Variants in PLAA observed in about 807,000 individuals in gnomAD.
PLAA encodes phospholipase A2 activating protein.
Under a neutral mutation model 84.1 loss-of-function variants are expected in PLAA, and 48 were observed. The ratio of observed to expected loss-of-function variants is 0.57; its 90% CI spans 0.45 to 0.73. PLAA has a LOEUF of 0.73. PLAA is among the 30% of genes least tolerant of loss of function. PLAA has a pLI of 0.00. For missense variants in PLAA, 903 were observed against 954.7 expected, an observed-to-expected ratio of 0.95 and a Z score of 0.71; for synonymous variants, 392 against 336.6, an observed-to-expected ratio of 1.16 and a Z score of -1.80.
chr9:26,926,282 T>G, intron 5 of PLAA, 111 bp downstream of exon 5: 1 of 700,212 alleles, frequency 1.4e-6, no homozygotes, highest in South Asian at 2.1e-5. Context: ...ACTAAATTAT[T>G]CAAGTCATAG....
At chr9:26,923,415 G>A in intron 6 of PLAA, 68 bp from the exon 7 acceptor site, 1 of 1,092,664 alleles carries the variant, frequency 9.2e-7, no homozygotes, top group Non-Finnish European at 1.3e-6. Context: ...ACACCTGAAT[G>A]ATCCATAGTA....
At chr9:26,930,361 C>A (rs1825141855) in intron 2 of PLAA, among the ~76,000 whole-genome samples, 1 of 152,128 alleles carries the variant, frequency 6.6e-6, no homozygotes, top group Non-Finnish European at 1.5e-5. Flanking sequence ...GCCTTGGCCT[C>A]CCAAGTGCTG....
intron 9 of PLAA, 149 bp from the exon 10 acceptor site, chr9:26,917,314 A>C (rs948616401): frequency 4.8e-6 from 3 of 621,658 alleles, no homozygotes; most frequent in Admixed American, 6.1e-5. Flanking sequence ...CTATAGTCAG[A>C]AGTCTTATAA....
rs1825587035 is a variant in PLAA at position 26,942,916 on chromosome 9, A to T, written c.149+3981T>A. Among the ~76,000 whole-genome samples the T allele has an allele frequency of 2.6e-5, 4 of 151,248 alleles. No individual in the cohort carries two copies. In the South Asian group the frequency reaches 8.3e-4, roughly 32 times the overall value. On this transcript the variant is annotated intron_variant, in intron 1 of 13. Transcript: ENST00000397292. The stretch of plus-strand genomic sequence containing the variant: ...AAAAAAAAGGCACAGAAAAAGATGC[A>T]TACGTGATGGGGTGAGTGGAAGGCA...
Position 26,935,131 on chromosome 9 carries a change from G to A in PLAA, c.225C>T (p.Pro75=). 1 of 1,609,524 alleles carries A rather than the reference G, an allele frequency of 6.2e-7. No homozygotes were observed. Among genetic ancestry groups the A allele is most frequent in the Non-Finnish European group, 8.5e-7 (1 of 1,178,300 alleles). The change falls in exon 2 of 14, where the codon CCC becomes CCT. Residue 75 remains proline, a synonymous_variant. Coordinates refer to ENST00000397292, the MANE Select transcript of PLAA (RefSeq NM_001031689.3). ...GGCCATGAGGGTAGATGTCACTTGA[G>A]GGTATGATGCATACACAAGATACAA... ...SNFVSCVCII[P]SSDIYPHGLI...
chr9:26,945,869 T>G (rs1009951090), intron 1 of PLAA, among the ~76,000 whole-genome samples: 17 of 152,194 alleles, frequency 1.1e-4, no homozygotes, highest in Non-Finnish European at 2.1e-4. Flanking sequence ...AACAAACAAC[T>G]CCTCAGAGAG....
At chr9:26,942,777 G>A (rs1247886821) in intron 1 of PLAA, among the ~76,000 whole-genome samples, 1 of 150,678 alleles carries the variant, frequency 6.6e-6, no homozygotes, top group Non-Finnish European at 1.5e-5. Flanking sequence ...AGCTACTCGG[G>A]AGGCTAAGGC....
intron 1 of PLAA, among the ~76,000 whole-genome samples, chr9:26,942,860 C>A (rs1159696373): frequency 8.5e-6 from 1 of 117,574 alleles, no homozygotes; most frequent in Non-Finnish European, 1.6e-5. Flanking sequence ...GCCTGGGCGA[C>A]AGAGCGAGAC....
intron 4 of PLAA, among the ~76,000 whole-genome samples, chr9:26,927,048 T>C (rs574951936): frequency 1.3e-5 from 2 of 152,082 alleles, no homozygotes; most frequent in East Asian, 1.9e-4. Flanking sequence ...TACATATATA[T>C]AGACTATATA....
chr9:26,906,151 T>G, intron 13 of PLAA, 75 bp from the exon 14 acceptor site: 1 of 987,278 alleles, frequency 1.0e-6, no homozygotes. Flanking sequence ...TTGAAGGATT[T>G]TATTTTCCCA....
intron 10 of PLAA, chr9:26,915,673 T>C (rs746834852): frequency 7.2e-6 from 7 of 978,842 alleles, no homozygotes; most frequent in Non-Finnish European, 8.5e-6. Context: ...TCAATTATCC[T>C]GATACCCTAA....
intron 1 of PLAA, among the ~76,000 whole-genome samples, chr9:26,945,760 T>C (rs754132917): frequency 6.6e-6 from 1 of 152,248 alleles, no homozygotes; most frequent in South Asian, 2.1e-4. Context: ...CCCTCCTGTT[T>C]GCTCCTCCAG....
intron 13 of PLAA, chr9:26,907,557 A>C: frequency 3.0e-6 from 1 of 335,822 alleles, no homozygotes; most frequent in Non-Finnish European, 5.3e-6. Flanking sequence ...AAAACAAAAC[A>C]AAACAAAAAA....
Sources: gnomAD v4.1 joint callset for allele counts (sites outside exome capture counted in the v4.1 genomes callset) on GRCh38, gnomAD v4.1.1 for gene constraint, MANE v1.5 for transcripts, NCBI Gene and HGNC (gene_info 2026-07-23, HGNC 2026-07-21) for gene names.